Variants in AP3B2 observed in about 807,000 individuals in gnomAD.
AP3B2 encodes the protein AP-3 complex subunit beta-2.
A neutral mutation model predicts 126.9 loss-of-function variants in AP3B2; 50 were observed. The observed-to-expected ratio is 0.39, with a 90% confidence interval of 0.31 to 0.50. AP3B2 has a LOEUF of 0.50. Among genes scored for constraint, AP3B2 ranks in the 20% least tolerant of loss-of-function variants. The pLI is 0.79. For synonymous variants in AP3B2, 541 were observed against 565.0 expected (o/e 0.96, Z 0.60); for missense variants, 1,177 against 1,426.4 (o/e 0.83, Z 2.82).
chr15:82,661,464 AT>A (rs2047946631), intron 25 of AP3B2, among the ~76,000 whole-genome samples: 3 of 152,272 alleles, frequency 2.0e-5, no homozygotes, highest in Admixed American at 1.3e-4. Flanking sequence ...TGTTTTTAAT[AT>A]TTTTTAAGTG....
chr15:82,680,041 G>T lies in AP3B2; in HGVS notation c.1110+134C>A. ...CCTATCTGTATTTGGAGCCTCCCCT[G>T]CCCCATCCTCTGCACAGCCAGGGTA... On this transcript the variant is annotated intron_variant, in intron 9 of 26. Coordinates refer to ENST00000535359, the MANE Select transcript of AP3B2 (RefSeq NM_001278512.2). The surrounding 1 kb of genome is among the most constrained non-coding windows in gnomAD (Gnocchi z 6.1). 1.5e-6 allele frequency: 2 copies of T among 1,300,270 alleles called. No individual in the cohort carries two copies. Among genetic ancestry groups the T allele is most frequent in the East Asian group, 2.5e-5 (1 of 40,154 alleles). 80.5% of individuals were successfully genotyped at this position (1,300,270 alleles called of 1,614,324 possible). A position where few individuals can be genotyped will look rare whatever the true frequency, so the allele number is the denominator to read the frequency against.
chr15:82,676,486 T>C lies in AP3B2; in HGVS notation c.1640A>G (p.Lys547Arg). The part of the protein sequence containing the change: ...VKLQVINLAA[K>R]LYLTNSKQTK... Reference sequence around the variant, plus strand: ...CTGTTTAGAGTTGGTCAGGTAGAGCTTGGCTGCCAGGTTGATGACCTGCAG... The same window carrying C: ...CTGTTTAGAGTTGGTCAGGTAGAGCCTGGCTGCCAGGTTGATGACCTGCAG... The change falls in exon 14 of 27, where the codon AAG becomes AGG. Residue 547 changes from lysine (K) to arginine (R), a missense_variant. Physicochemically the swap from Lys to Arg is conservative, Grantham distance 26. Transcript: ENST00000535359. 1 of 1,614,026 alleles carries C rather than the reference T, an allele frequency of 6.2e-7. No individual in the cohort carries two copies. The highest frequency in any genetic ancestry group is 8.5e-7 in the Non-Finnish European group (1 of 1,179,892).
At chr15:82,674,105 T>C (rs544279008) in intron 14 of AP3B2, among the ~76,000 whole-genome samples, 1 of 152,322 alleles carries the variant, frequency 6.6e-6, no homozygotes, top group East Asian at 1.9e-4. Context: ...ATCTTGGTCA[T>C]TTCCTTGGCC....
At chr15:82,707,779 C>A (rs998640810) in intron 1 of AP3B2, among the ~76,000 whole-genome samples, 6 of 152,140 alleles carry the variant, frequency 3.9e-5, no homozygotes, top group African/African-American at 1.4e-4. Context: ...CAGGCCATCA[C>A]CAATAATCCT....
In AP3B2 at chr15:82,665,360, A is replaced by G. The variant is rs2048033588; in HGVS notation, c.1972-57T>C. The stretch of plus-strand genomic sequence containing the variant: ...TGGGCCGGCACTGCCAGGGCTCCCT[A>G]CTGTCTGCCCCCACCAACACACACA... On this transcript the variant is annotated intron_variant, in intron 16 of 26. Coordinates refer to ENST00000535359, the MANE Select transcript of AP3B2 (RefSeq NM_001278512.2). This position sits in a 1 kb window ranked among gnomAD's most constrained non-coding sequence, Gnocchi z 4.4. 3 of 1,561,536 alleles carry G rather than the reference A, an allele frequency of 1.9e-6. No homozygotes were observed. Among genetic ancestry groups the G allele is most frequent in the Non-Finnish European group, 2.6e-6 (3 of 1,149,832 alleles).
At chr15:82,669,575 C>T (rs150880425) in intron 14 of AP3B2, among the ~76,000 whole-genome samples, 2,700 of 151,934 alleles carry the variant, frequency 0.018, 30 homozygotes, top group Non-Finnish European at 0.026. Flanking sequence ...ACCTGTAGTC[C>T]GAGCTACTCA....
At chr15:82,667,674 A>G (rs993936539) in intron 14 of AP3B2, among the ~76,000 whole-genome samples, 1 of 152,234 alleles carries the variant, frequency 6.6e-6, no homozygotes, top group African/African-American at 2.4e-5. Context: ...GCCTTCTGGC[A>G]CCAACTCTGT....
chr15:82,662,938 A>G lies in AP3B2; in HGVS notation c.2605-16T>C, dbSNP rs1198464773. 2.9e-5 allele frequency: 47 copies of G among 1,605,530 alleles called. No individual in the cohort carries two copies. The highest frequency in any genetic ancestry group is 3.8e-5 in the Non-Finnish European group (45 of 1,176,940). ...GACTCAGAAGCTAGAGTGGAGGGGT[A>G]GGGAAGGACAGAACTGAGCAAGATG... On this transcript the variant is annotated splice_polypyrimidine_tract_variant and intron_variant, in intron 22 of 26. Transcript: ENST00000535359.
In AP3B2 at chr15:82,665,047, T is replaced by G; in HGVS notation, c.2029-104A>C. ...TTCCACCTCTTTGTGAGGCCCTACC[T>G]GGTCTGTCCCACAAAGGGAATAACA... On this transcript the variant is annotated intron_variant, in intron 17 of 26. Coordinates refer to ENST00000535359, the MANE Select transcript of AP3B2 (RefSeq NM_001278512.2). The surrounding 1 kb of genome is among the most constrained non-coding windows in gnomAD (Gnocchi z 4.4). 1.2e-5 allele frequency: 13 copies of G among 1,065,406 alleles called. No homozygotes were observed. Among genetic ancestry groups the G allele is most frequent in the Non-Finnish European group, 1.7e-5 (12 of 715,474 alleles). The allele number at this position is 1,065,406 out of a possible 1,614,324, so 66.0% of individuals were successfully genotyped here.
At chr15:82,691,917 T>C in intron 1 of AP3B2, 3 of 1,299,236 alleles carry the variant, frequency 2.3e-6, no homozygotes, top group Non-Finnish European at 3.3e-6. Flanking sequence ...GCATATTCCA[T>C]GTCTTCTTTT....
chr15:82,693,446 C>T (rs1596193195), intron 1 of AP3B2, among the ~76,000 whole-genome samples: 1 of 151,604 alleles, frequency 6.6e-6, no homozygotes, highest in South Asian at 2.1e-4. Flanking sequence ...AGGGTTTCAC[C>T]ATGTTGGTCA....
intron 4 of AP3B2, among the ~76,000 whole-genome samples, chr15:82,682,054 T>TG: frequency 7.3e-6 from 1 of 136,208 alleles, no homozygotes; most frequent in East Asian, 2.1e-4. Flanking sequence ...TTCCTTTTTT[T>TG]TTTTTTTTTT....
Position 82,662,441 on chromosome 15 carries a change from C to G in AP3B2, c.2834-189G>C, listed in dbSNP as rs2047967841. 1.5e-5 allele frequency: 10 copies of G among 645,414 alleles called. No homozygotes were observed. In the South Asian group the frequency reaches 1.9e-4, roughly 13 times the overall value. The allele number at this position is 645,414 out of a possible 1,614,324, so 40.0% of individuals were successfully genotyped here. ...AACTCTAAGCACCCTTTCCCCCACTCACCCTCACCACATTTAAGTTAGTCC... is the reference window on the plus strand; with the variant it reads ...AACTCTAAGCACCCTTTCCCCCACTGACCCTCACCACATTTAAGTTAGTCC... On this transcript the variant is annotated intron_variant, in intron 23 of 26. Transcript: ENST00000535359.
intron 25 of AP3B2, 64 bp from the exon 26 acceptor site, chr15:82,660,047 T>C: frequency 6.4e-7 from 1 of 1,564,112 alleles, no homozygotes; most frequent in Non-Finnish European, 8.7e-7. Flanking sequence ...CACCTGGGTC[T>C]GCTTACTGAG....
In AP3B2 at chr15:82,707,882, G is replaced by A. The variant is rs552143456; in HGVS notation, c.113+1712C>T. On this transcript the variant is annotated intron_variant, in intron 1 of 26. Transcript: ENST00000535359. ...AATCTCTCCCACTCTAGGTTCCCACGCCACCCCAATCCCGCTCGAAGCAGC... is the reference window on the plus strand; with the variant it reads ...AATCTCTCCCACTCTAGGTTCCCACACCACCCCAATCCCGCTCGAAGCAGC... Among the ~76,000 whole-genome samples, 16 of 152,066 alleles carry A rather than the reference G, an allele frequency of 1.1e-4. No homozygotes were observed. In the South Asian group the frequency reaches 1.7e-3, roughly 16 times the overall value.
Position 82,681,315 on chromosome 15 carries a change from TC to T in AP3B2, c.521+104del. 6.5e-7 allele frequency: 1 copy of T among 1,547,950 alleles called. No homozygotes were observed. Among genetic ancestry groups the T allele is most frequent in the African/African-American group, 1.4e-5 (1 of 73,812 alleles). ...CTGTCAGTCCCCCAAACTACCCTCC[TC>T]AAACCCTCTGAGAAGCAGCAGGCAA... On this transcript the variant is annotated intron_variant, in intron 5 of 26. Transcript: ENST00000535359. The surrounding 1 kb of genome is among the most constrained non-coding windows in gnomAD (Gnocchi z 4.0).
intron 1 of AP3B2, among the ~76,000 whole-genome samples, chr15:82,700,507 T>C (rs1005975904): frequency 6.7e-6 from 1 of 149,912 alleles, no homozygotes; most frequent in Admixed American, 6.7e-5. Flanking sequence ...CAAGCAATTC[T>C]CCTGCCTCAG....
intron 4 of AP3B2, chr15:82,684,998 T>G (rs2151445322): frequency 6.6e-6 from 1 of 152,330 alleles, no homozygotes; most frequent in Non-Finnish European, 1.5e-5. Context: ...ATTGTAGGGT[T>G]ATTAATTGAT....
In AP3B2 at chr15:82,709,837, C is replaced by A. The variant is rs1440149875; in HGVS notation, c.-131G>T. On this transcript the variant is annotated 5_prime_UTR_variant, in exon 1 of 27. Transcript: ENST00000535359. ...CGGCGCGGCAGGGGTTCAGCAGAGG[C>A]TGCAGTGTGCAGCGGCGGAGGCTGC... 10 of 639,600 alleles carry A rather than the reference C, an allele frequency of 1.6e-5. No homozygotes were observed. Among genetic ancestry groups the A allele is most frequent in the Non-Finnish European group, 2.4e-5 (10 of 414,386 alleles). The allele number at this position is 639,600 out of a possible 1,614,324, so 39.6% of individuals were successfully genotyped here.
Sources: allele counts gnomAD v4.1 joint callset (sites outside exome capture counted in the v4.1 genomes callset), GRCh38; gene constraint gnomAD v4.1.1; non-coding constraint Gnocchi (gnomAD v3.1); transcripts MANE v1.5; gene names NCBI Gene and HGNC (gene_info 2026-07-23, HGNC 2026-07-21).